Variants in SMARCE1 observed in about 807,000 individuals in gnomAD.
SMARCE1 encodes SWI/SNF-related matrix-associated actin-dependent regulator of chromatin subfamily E member 1.
Under a neutral mutation model 54.9 loss-of-function variants are expected in SMARCE1, and 13 were observed. The ratio of observed to expected loss-of-function variants is 0.24; its 90% CI spans 0.15 to 0.38. The LOEUF is 0.38. Among genes scored for constraint, SMARCE1 ranks in the 10% least tolerant of loss-of-function variants. The pLI, the probability that SMARCE1 is intolerant of heterozygous loss-of-function variation, is 1.00. For missense variants in SMARCE1, 295 were observed against 523.8 expected, an observed-to-expected ratio of 0.56 and a Z score of 4.26; for synonymous variants, 151 against 175.3, an observed-to-expected ratio of 0.86 and a Z score of 1.10.
intron 7 of SMARCE1, 32 bp downstream of exon 7, chr17:40,635,899 G>A: frequency 1.3e-6 from 2 of 1,482,226 alleles, no homozygotes; most frequent in Non-Finnish European, 1.8e-6. Context: ...CACAGAGAAA[G>A]CATAAACAAA....
intron 3 of SMARCE1, chr17:40,644,424 C>A (rs1172172254): frequency 6.6e-6 from 1 of 151,958 alleles, no homozygotes; most frequent in Non-Finnish European, 1.5e-5. Context: ...TCTTTGAGGT[C>A]AGAATCTCAA....
intron 4 of SMARCE1, chr17:40,640,100 T>C (rs1428181081): frequency 6.6e-6 from 1 of 152,202 alleles, no homozygotes; most frequent in East Asian, 1.9e-4. Flanking sequence ...GTTCATGGTT[T>C]TGTGAAATTT....
At chr17:40,637,920 C>G (rs1567847740) in intron 4 of SMARCE1, among the ~76,000 whole-genome samples, 1 of 152,094 alleles carries the variant, frequency 6.6e-6, no homozygotes, top group East Asian at 1.9e-4. Context: ...GCTCAATTAC[C>G]ATTACACATA....
At chr17:40,632,504 A>T in intron 7 of SMARCE1, 137 bp from the exon 8 acceptor site, 1 of 658,644 alleles carries the variant, frequency 1.5e-6, no homozygotes, top group Non-Finnish European at 2.6e-6. Flanking sequence ...TCATGGGAGC[A>T]CTGGGGCAGT....
At chr17:40,640,894 G>A (rs990472791) in intron 4 of SMARCE1, 2 of 152,202 alleles carry the variant, frequency 1.3e-5, no homozygotes. Context: ...AGTGACTTCA[G>A]ATAGGGAGTA....
In SMARCE1 at chr17:40,626,202, G is replaced by C. The variant is rs1459083550; in HGVS notation, c.*2583C>G. The C allele has an allele frequency of 6.6e-6, 1 of 152,030 alleles. No homozygotes were observed. The highest frequency in any genetic ancestry group is 1.5e-5 in the Non-Finnish European group (1 of 68,020). 9.4% of individuals were successfully genotyped at this position (152,030 alleles called of 1,614,324 possible). On this transcript the variant is annotated 3_prime_UTR_variant, in exon 11 of 11. Coordinates refer to ENST00000348513, the MANE Select transcript of SMARCE1 (RefSeq NM_003079.5). ...AGATGGCGCCATTACACTCCAGCCT[G>C]GGCAACAGTCAGACTGTCTCAAAAA...
chr17:40,635,912 C>A lies in SMARCE1; in HGVS notation c.541+19G>T. ...CTCACAGAGAAAGCATAAACAAAAC[C>A]CCACTTTTTTTCTTTTACCATCTGG... On this transcript the variant is annotated intron_variant, in intron 7 of 10. Transcript: ENST00000348513. 1.3e-6 allele frequency: 2 copies of A among 1,519,706 alleles called. No individual in the cohort carries two copies. Among genetic ancestry groups the A allele is most frequent in the Non-Finnish European group, 1.8e-6 (2 of 1,132,856 alleles). The allele number at this position is 1,519,706 out of a possible 1,614,324, so 94.1% of individuals were successfully genotyped here. A position where few individuals can be genotyped will look rare whatever the true frequency, so the allele number is the denominator to read the frequency against.
At chr17:40,630,606 C>T in intron 10 of SMARCE1, 108 bp downstream of exon 10, 1 of 829,250 alleles carries the variant, frequency 1.2e-6, no homozygotes, top group Non-Finnish European at 2.1e-6. Flanking sequence ...CTGGGAATCA[C>T]CCTCAGTGGC....
At chr17:40,638,959 T>G (rs779173928) in intron 4 of SMARCE1, among the ~76,000 whole-genome samples, 2 of 152,142 alleles carry the variant, frequency 1.3e-5, no homozygotes, top group Non-Finnish European at 2.9e-5. Context: ...AAGAAATGTT[T>G]CCTCTTCCTA....
chr17:40,630,230 GA>G, intron 10 of SMARCE1: 1 of 1,531,112 alleles, frequency 6.5e-7, no homozygotes, highest in Non-Finnish European at 8.9e-7. Flanking sequence ...TTTTAATCAG[GA>G]AAATCAGTAT....
intron 4 of SMARCE1, among the ~76,000 whole-genome samples, chr17:40,639,517 T>A (rs989745579): frequency 6.6e-6 from 1 of 152,316 alleles, no homozygotes; most frequent in South Asian, 2.1e-4. Flanking sequence ...TGCTCTTTGA[T>A]ATTTTTCAAA....
intron 9 of SMARCE1, 141 bp downstream of exon 9, chr17:40,631,444 AAAAAAGG>A (rs2037094827): frequency 3.5e-6 from 2 of 568,088 alleles, no homozygotes; most frequent in African/African-American, 3.7e-5. Flanking sequence ...CAATCTTATA[AAAAAAGG>A]ATCCTACAGG....
At chr17:40,645,373 T>G (rs1263873264) in intron 3 of SMARCE1, 1 of 477,568 alleles carries the variant, frequency 2.1e-6, no homozygotes, top group Non-Finnish European at 3.7e-6. Context: ...AGTTTTACAG[T>G]ACTGTTTCTT....
chr17:40,639,269 C>T (rs2037174578), intron 4 of SMARCE1, among the ~76,000 whole-genome samples: 1 of 152,164 alleles, frequency 6.6e-6, no homozygotes, highest in Non-Finnish European at 1.5e-5. Context: ...GAGGAACAGA[C>T]ACACACAAGT....
intron 4 of SMARCE1, chr17:40,640,545 C>T (rs2037189071): frequency 1.3e-5 from 2 of 152,160 alleles, no homozygotes; most frequent in South Asian, 4.1e-4. Flanking sequence ...CCCCTCACCC[C>T]CAAAAGTAAT....
chr17:40,630,052 A>G (rs1043656576), intron 10 of SMARCE1: 2 of 460,984 alleles, frequency 4.3e-6, no homozygotes, highest in Admixed American at 4.0e-5. Flanking sequence ...TTTGTTTTCC[A>G]TAACTACTTT....
At position 40,628,846 on chromosome 17, in the gene SMARCE1, T is replaced by C. The variant is rs982006343; in HGVS notation, c.1175A>G (p.Asn392Ser). ...TSDSNTGSESNSATVEEPPTD... is the reference protein window; with the variant it reads ...TSDSNTGSESSSATVEEPPTD... ...TGGTGGCTCCTCCACTGTTGCACTG[T>C]TGCTCTCCGAGCCAGTGTTACTATC... The change falls in exon 11 of 11, where the codon AAC becomes AGC. Residue 392 changes from asparagine to serine, a missense_variant. Transcript: ENST00000348513. 6.2e-7 allele frequency: 1 copy of C among 1,613,916 alleles called. No individual in the cohort carries two copies. Among genetic ancestry groups the C allele is most frequent in the Non-Finnish European group, 8.5e-7 (1 of 1,179,838 alleles).
At chr17:40,629,126 G>C in intron 10 of SMARCE1, 133 bp from the exon 11 acceptor site, 1 of 677,900 alleles carries the variant, frequency 1.5e-6, no homozygotes, top group South Asian at 2.0e-5. Flanking sequence ...AAATGAACCA[G>C]TGTGACTAAA....
At chr17:40,647,432 G>C (rs1301771953) in intron 1 of SMARCE1, 1 of 153,084 alleles carries the variant, frequency 6.5e-6, no homozygotes, top group Non-Finnish European at 1.5e-5. Context: ...CTTCTGCCCG[G>C]GTGGGGGGTG....
Sources: gnomAD v4.1 joint callset for allele counts (sites outside exome capture counted in the v4.1 genomes callset) on GRCh38, gnomAD v4.1.1 for gene constraint, MANE v1.5 for transcripts, NCBI Gene and HGNC (gene_info 2026-07-23, HGNC 2026-07-21) for gene names.